The following CLIP4 variants were observed in gnomAD, a reference collection of about 807,000 sequenced individuals.
The protein encoded by CLIP4 is CAP-Gly domain-containing linker protein 4.
Under a neutral mutation model 73.1 loss-of-function variants are expected in CLIP4, and 47 were observed. That is an observed-to-expected ratio of 0.64 (90% CI 0.51 to 0.82). The LOEUF is 0.82. Among genes scored for constraint, CLIP4 ranks in the 40% least tolerant of loss-of-function variants. The pLI is 0.00. For missense variants in CLIP4, 874 were observed against 852.9 expected (o/e 1.02, Z -0.31); for synonymous variants, 306 against 295.4 (o/e 1.04, Z -0.37).
chr2:29,127,322 A>C (rs1205468578), intron 2 of CLIP4, among the ~76,000 whole-genome samples: 19 of 152,080 alleles, frequency 1.2e-4, no homozygotes, highest in Non-Finnish European at 1.5e-5. Flanking sequence ...TTACAGGGGA[A>C]ACAAACTTTC....
intron 11 of CLIP4, among the ~76,000 whole-genome samples, chr2:29,158,199 TA>T (rs942566483): frequency 1.1e-4 from 17 of 152,292 alleles, no homozygotes; most frequent in Admixed American, 9.2e-4. Flanking sequence ...CCTCTCTCCA[TA>T]CCCCAACCAG....
chr2:29,179,605 C>T (rs750073454), intron 15 of CLIP4, among the ~76,000 whole-genome samples: 3 of 152,084 alleles, frequency 2.0e-5, no homozygotes, highest in African/African-American at 4.8e-5. Flanking sequence ...TGGGTGAGAT[C>T]GAAAGAGATA....
Position 29,115,674 on chromosome 2 carries a change from GGGGCGCGCGGGGCCCCCCCGGGCCGC to G in CLIP4, c.-16+14_-16+39del, listed in dbSNP as rs1273940069. 1 of 147,606 alleles carries G rather than the reference GGGGCGCGCGGGGCCCCCCCGGGCCGC, an allele frequency of 6.8e-6. No homozygotes were observed. Among genetic ancestry groups the G allele is most frequent in the Admixed American group, 6.7e-5 (1 of 14,900 alleles). The allele number at this position is 147,606 out of a possible 1,614,324, so 9.1% of individuals were successfully genotyped here. ...GGACCCGGAGGAGGCAGGTGGGCCG[GGGGCGCGCGGGGCCCCCCCGGGCCGC>G]GGGCTGGCCGGCGGCGGGGTTGGGG... On this transcript the variant is annotated intron_variant, in intron 1 of 15. Transcript: ENST00000320081. This position sits in a 1 kb window ranked among gnomAD's most constrained non-coding sequence, Gnocchi z 5.1.
intron 1 of CLIP4, among the ~76,000 whole-genome samples, chr2:29,107,365 T>G (rs1021889456): frequency 3.5e-4 from 30 of 86,128 alleles, no homozygotes; most frequent in South Asian, 7.7e-4. Context: ...ATAGTTTTTT[T>G]TTTTTTTTTT....
intron 1 of CLIP4, among the ~76,000 whole-genome samples, chr2:29,100,218 C>T (rs1224985954): frequency 6.6e-6 from 1 of 152,102 alleles, no homozygotes; most frequent in East Asian, 1.9e-4. Flanking sequence ...GCATGAGCCA[C>T]CATGCCTGGC....
chr2:29,105,180 G>T (rs1668166090), intron 1 of CLIP4, among the ~76,000 whole-genome samples: 1 of 152,176 alleles, frequency 6.6e-6, no homozygotes, highest in African/African-American at 2.4e-5. Context: ...TGGCTAACTT[G>T]TCTCAACTTC....
At chr2:29,163,779 A>G in intron 12 of CLIP4, 52 bp from the exon 13 acceptor site, 1 of 1,552,662 alleles carries the variant, frequency 6.4e-7, no homozygotes, top group Non-Finnish European at 8.7e-7. Flanking sequence ...TAGTAGCATA[A>G]GAGTTTTGGA....
Position 29,182,457 on chromosome 2 carries a change from T to C in CLIP4, c.*564T>C, listed in dbSNP as rs565192339. 6.6e-6 allele frequency: 1 copy of C among 152,366 alleles called. No homozygotes were observed. Among genetic ancestry groups the C allele is most frequent in the Admixed American group, 6.5e-5 (1 of 15,276 alleles). 9.4% of individuals were successfully genotyped at this position (152,366 alleles called of 1,614,324 possible). Reference sequence around the variant, plus strand: ...CTAAAGATACATGATAATTTTGGAGTTGGAAGGGGCCTTAGAGGCTCTCCA... The same window carrying C: ...CTAAAGATACATGATAATTTTGGAGCTGGAAGGGGCCTTAGAGGCTCTCCA... On this transcript the variant is annotated 3_prime_UTR_variant, in exon 16 of 16. Coordinates refer to ENST00000320081, the MANE Select transcript of CLIP4 (RefSeq NM_024692.6).
intron 1 of CLIP4, among the ~76,000 whole-genome samples, chr2:29,117,013 C>T (rs148678569): frequency 6.6e-6 from 1 of 152,328 alleles, no homozygotes; most frequent in East Asian, 1.9e-4. Flanking sequence ...ACCTCAAACT[C>T]TGGTTACTTT....
chr2:29,122,776 A>G (rs1208965023), intron 2 of CLIP4, among the ~76,000 whole-genome samples: 1 of 139,518 alleles, frequency 7.2e-6, no homozygotes, highest in East Asian at 2.3e-4. Context: ...CAGTGAGCTG[A>G]GATCGCATCA....
intron 1 of CLIP4, among the ~76,000 whole-genome samples, chr2:29,117,678 G>A (rs1358071354): frequency 6.6e-6 from 1 of 152,172 alleles, no homozygotes; most frequent in Non-Finnish European, 1.5e-5. Flanking sequence ...GTAGTTAGCT[G>A]GTCAGATGCC....
intron 2 of CLIP4, among the ~76,000 whole-genome samples, chr2:29,122,826 C>CAAAAAAAAAAA (rs11364909): frequency 3.2e-5 from 2 of 61,930 alleles, no homozygotes; most frequent in African/African-American, 1.4e-4. Context: ...ACTTTGTCTC[C>CAAAAAAAAAAA]AAAAAAAAAA....
intron 1 of CLIP4, among the ~76,000 whole-genome samples, chr2:29,106,053 A>G (rs182893332): frequency 1.3e-3 from 193 of 146,546 alleles, no homozygotes; most frequent in African/African-American, 4.6e-3. Context: ...TTTAGCATTT[A>G]ATCTTTTTTT....
intron 2 of CLIP4, among the ~76,000 whole-genome samples, chr2:29,128,363 G>A (rs184948110): frequency 6.6e-6 from 1 of 151,044 alleles, no homozygotes; most frequent in African/African-American, 2.4e-5. Flanking sequence ...AGGATTACAG[G>A]TATTTAGTTA....
chr2:29,125,992 T>C (rs1424134305), intron 2 of CLIP4, among the ~76,000 whole-genome samples: 1 of 152,076 alleles, frequency 6.6e-6, no homozygotes, highest in Non-Finnish European at 1.5e-5. Context: ...CTGACCAACA[T>C]GGTGAAACCC....
intron 14 of CLIP4, among the ~76,000 whole-genome samples, chr2:29,171,404 C>G (rs1446009512): frequency 2.0e-5 from 3 of 152,066 alleles, no homozygotes; most frequent in African/African-American, 7.2e-5. Flanking sequence ...TTACCTTATA[C>G]CAACTTTCTT....
At chr2:29,161,366 A>G (rs1287785781) in intron 12 of CLIP4, among the ~76,000 whole-genome samples, 1 of 152,178 alleles carries the variant, frequency 6.6e-6, no homozygotes, top group Non-Finnish European at 1.5e-5. Flanking sequence ...GCAATATGCT[A>G]TTTTAACACA....
At chr2:29,155,018 A>G (rs1056534677) in intron 9 of CLIP4, among the ~76,000 whole-genome samples, 15 of 152,222 alleles carry the variant, frequency 9.9e-5, no homozygotes, top group African/African-American at 3.6e-4. Flanking sequence ...AAATTACCCA[A>G]AATATGAAAA....
intron 4 of CLIP4, 24 bp downstream of exon 4, chr2:29,132,269 G>C (rs991063855): frequency 6.4e-7 from 1 of 1,560,166 alleles, no homozygotes; most frequent in African/African-American, 1.4e-5. Flanking sequence ...AAATCTATCA[G>C]TTGCTTATGT....
Sources: gnomAD v4.1 joint callset for allele counts (sites outside exome capture counted in the v4.1 genomes callset) on GRCh38, gnomAD v4.1.1 for gene constraint, Gnocchi (gnomAD v3.1) non-coding constraint, MANE v1.5 for transcripts, NCBI Gene and HGNC (gene_info 2026-07-23, HGNC 2026-07-21) for gene names.